RBFOX1: variants seen among roughly 807,000 people sequenced by gnomAD.
RBFOX1 encodes the protein RNA binding protein fox-1 homolog 1.
Under a neutral mutation model 57.7 loss-of-function variants are expected in RBFOX1, and 8 were observed. The ratio of observed to expected loss-of-function variants is 0.14; its 90% CI spans 0.08 to 0.25. The LOEUF (loss-of-function observed/expected upper bound fraction) is 0.25, where lower values mean the gene tolerates loss of function less well. RBFOX1 is among the 10% of genes least tolerant of loss of function. RBFOX1 has a pLI of 1.00. For synonymous variants in RBFOX1, 326 were observed against 222.4 expected (o/e 1.47, Z -4.15); for missense variants, 611 against 548.5 (o/e 1.11, Z -1.14).
intron 13 of RBFOX1, among the ~76,000 whole-genome samples, chr16:7,666,704 C>A (rs765565690): frequency 6.6e-6 from 1 of 152,048 alleles, no homozygotes; most frequent in African/African-American, 2.4e-5. Context: ...ATCCACAGAG[C>A]AATGCAAATA....
At chr16:6,013,892 C>G (rs1596404964) in intron 4 of RBFOX1, among the ~76,000 whole-genome samples, 2 of 147,034 alleles carry the variant, frequency 1.4e-5, no homozygotes, top group African/African-American at 2.5e-5. Flanking sequence ...TGTTTTCACT[C>G]ACAGGTGGGA....
At chr16:5,626,445 A>G (rs914899240) in intron 3 of RBFOX1, among the ~76,000 whole-genome samples, 2 of 152,020 alleles carry the variant, frequency 1.3e-5, no homozygotes, top group Non-Finnish European at 2.9e-5. Context: ...TCACTTAATT[A>G]CCTGTCTTTC....
At chr16:5,517,263 C>T (rs1044213369) in intron 2 of RBFOX1, among the ~76,000 whole-genome samples, 1 of 152,160 alleles carries the variant, frequency 6.6e-6, no homozygotes, top group African/African-American at 2.4e-5. Context: ...GGGAAATCAG[C>T]AGAATTGCGC....
chr16:7,032,269 AC>A (rs1701678608), intron 3 of RBFOX1, among the ~76,000 whole-genome samples: 1 of 151,804 alleles, frequency 6.6e-6, no homozygotes, highest in South Asian at 2.1e-4. Context: ...TACTAAAAAA[AC>A]AAAAACAAAA....
chr16:7,057,486 A>G (rs1043894820), intron 4 of RBFOX1, among the ~76,000 whole-genome samples: 2 of 152,152 alleles, frequency 1.3e-5, no homozygotes, highest in Admixed American at 6.5e-5. Flanking sequence ...TCTAGCCCCT[A>G]AGATGTATGT....
intron 1 of RBFOX1, among the ~76,000 whole-genome samples, chr16:5,359,661 G>A (rs2065488625): frequency 6.6e-6 from 1 of 152,256 alleles, no homozygotes; most frequent in African/African-American, 2.4e-5. Flanking sequence ...TGATCAGATT[G>A]TTAGACTTTT....
At chr16:6,778,618 T>A (rs1045991418) in intron 3 of RBFOX1, among the ~76,000 whole-genome samples, 1 of 152,116 alleles carries the variant, frequency 6.6e-6, no homozygotes, top group Non-Finnish European at 1.5e-5. Flanking sequence ...AGAATGCAAT[T>A]AGTTAATATG....
chr16:7,395,088 A>G (rs1205096596), intron 4 of RBFOX1, among the ~76,000 whole-genome samples: 3 of 151,246 alleles, frequency 2.0e-5, no homozygotes, highest in Non-Finnish European at 4.4e-5. Context: ...ATTCAAACCA[A>G]TTTTTTTTTC....
chr16:5,414,047 T>G (rs2067094400), intron 1 of RBFOX1, among the ~76,000 whole-genome samples: 1 of 152,124 alleles, frequency 6.6e-6, no homozygotes, highest in African/African-American at 2.4e-5. Context: ...AAGAAGGACA[T>G]CCCCAGAATG....
At chr16:6,572,805 G>A (rs555083143) in intron 2 of RBFOX1, among the ~76,000 whole-genome samples, 1 of 151,998 alleles carries the variant, frequency 6.6e-6, no homozygotes, top group African/African-American at 2.4e-5. Flanking sequence ...TGTTGGCCAC[G>A]CTGGCCTCGA....
intron 3 of RBFOX1, among the ~76,000 whole-genome samples, chr16:6,853,373 G>A (rs2094171810): frequency 6.6e-6 from 1 of 152,142 alleles, no homozygotes; most frequent in African/African-American, 2.4e-5. Flanking sequence ...CTAAGGGTTG[G>A]CTGCATAACG....
chr16:7,293,662 C>A (rs1050530285), intron 4 of RBFOX1, among the ~76,000 whole-genome samples: 1 of 152,140 alleles, frequency 6.6e-6, no homozygotes, highest in Non-Finnish European at 1.5e-5. Flanking sequence ...AACTTGGAAT[C>A]CTAGAGATTG....
At chr16:6,593,344 A>G (rs2097740711) in intron 2 of RBFOX1, among the ~76,000 whole-genome samples, 1 of 152,186 alleles carries the variant, frequency 6.6e-6, no homozygotes, top group Non-Finnish European at 1.5e-5. Flanking sequence ...AGGCACTAAA[A>G]GAAAGGGTTA....
intron 5 of RBFOX1, among the ~76,000 whole-genome samples, chr16:7,530,008 C>CAAAAAAAAAAAAAAAAAAAAAA (rs35251344): frequency 8.0e-6 from 1 of 125,044 alleles, no homozygotes; most frequent in African/African-American, 3.0e-5. Flanking sequence ...GACTCCATCT[C>CAAAAAAAAAAAAAAAAAAAAAA]AAAAAAAAAA....
At chr16:6,304,500 A>G (rs2152748688) in intron 1 of RBFOX1, among the ~76,000 whole-genome samples, 1 of 152,182 alleles carries the variant, frequency 6.6e-6, no homozygotes, top group South Asian at 2.1e-4. Context: ...TAGAATCTTG[A>G]GGACTATCTT....
intron 4 of RBFOX1, among the ~76,000 whole-genome samples, chr16:7,490,235 G>C (rs906462583): frequency 1.3e-5 from 2 of 152,182 alleles, no homozygotes; most frequent in South Asian, 2.1e-4. Context: ...ACTGAGAAAA[G>C]AATGACACTT....
At chr16:7,037,896 G>C (rs1395375245) in intron 3 of RBFOX1, among the ~76,000 whole-genome samples, 1 of 152,136 alleles carries the variant, frequency 6.6e-6, no homozygotes, top group Admixed American at 6.5e-5. Flanking sequence ...TGTCTCTGCT[G>C]AATCTATTTA....
intron 2 of RBFOX1, among the ~76,000 whole-genome samples, chr16:6,593,364 G>A (rs151338416): frequency 5.9e-5 from 9 of 152,184 alleles, no homozygotes; most frequent in Non-Finnish European, 1.0e-4. Context: ...AAAATCATGC[G>A]GAATCACAGA....
At chr16:5,990,002 T>A (rs1490781552) in intron 4 of RBFOX1, among the ~76,000 whole-genome samples, 3 of 152,162 alleles carry the variant, frequency 2.0e-5, no homozygotes, top group Admixed American at 6.5e-5. Flanking sequence ...TTTTTGTTTG[T>A]TGGTTAGAGA....
Sources: allele counts gnomAD v4.1 joint callset (sites outside exome capture counted in the v4.1 genomes callset), GRCh38; gene constraint gnomAD v4.1.1; transcripts MANE v1.5; gene names NCBI Gene and HGNC (gene_info 2026-07-23, HGNC 2026-07-21).